Variants in TIAM1 observed in about 807,000 individuals in gnomAD.
The protein encoded by TIAM1 is rho guanine nucleotide exchange factor TIAM1.
Under a neutral mutation model 163.5 loss-of-function variants are expected in TIAM1, and 65 were observed. The observed-to-expected ratio is 0.40, with a 90% CI of 0.33 to 0.49. The LOEUF (loss-of-function observed/expected upper bound fraction) is 0.49, where lower values mean the gene tolerates loss of function less well. Ranked by LOEUF, TIAM1 falls within the 20% of genes least tolerant of loss-of-function variation. TIAM1 has a pLI of 0.77. For synonymous variants in TIAM1, 833 were observed against 810.1 expected (o/e 1.03, Z -0.48); for missense variants, 1,789 against 2,044.7 (o/e 0.87, Z 2.41).
intron 2 of TIAM1, among the ~76,000 whole-genome samples, chr21:31,439,170 C>T (rs537375550): frequency 5.9e-5 from 9 of 152,354 alleles, no homozygotes; most frequent in Non-Finnish European, 4.4e-5. Context: ...TGAACAGGAA[C>T]AGGGGGTAGC....
Position 31,141,086 on chromosome 21 carries a change from G to C in TIAM1, c.3774+32C>G. The C allele has an allele frequency of 6.6e-7, 1 of 1,521,622 alleles. No homozygotes were observed. Among genetic ancestry groups the C allele is most frequent in the Non-Finnish European group, 8.9e-7 (1 of 1,121,374 alleles). 94.3% of individuals were successfully genotyped at this position (1,521,622 alleles called of 1,614,324 possible). ...AAGCAAACTCAAACTCGGCTTTCCT[G>C]ACAGATGTCCTGAGAAGATGGGGAC... On this transcript the variant is annotated intron_variant, in intron 22 of 27. Transcript: ENST00000541036. This position sits in a 1 kb window ranked among gnomAD's most constrained non-coding sequence, Gnocchi z 4.7.
At chr21:31,242,860 C>CAAAAAAAAAAAAAAAAAA (rs11417948) in intron 6 of TIAM1, among the ~76,000 whole-genome samples, 13 of 94,996 alleles carry the variant, frequency 1.4e-4, no homozygotes, top group Non-Finnish European at 2.0e-4. Flanking sequence ...GACTCTGTCT[C>CAAAAAAAAAAAAAAAAAA]AAAAAAAAAA....
At chr21:31,170,215 A>AT (rs1373313057) in intron 15 of TIAM1, among the ~76,000 whole-genome samples, 7 of 152,238 alleles carry the variant, frequency 4.6e-5, no homozygotes, top group Non-Finnish European at 1.0e-4. Context: ...CTGGAAAACT[A>AT]TATTAGGCAA....
chr21:31,266,600 T>C lies in TIAM1; in HGVS notation c.373A>G (p.Ser125Gly). 3.7e-6 allele frequency: 6 copies of C among 1,614,220 alleles called. No homozygotes were observed. The highest frequency in any genetic ancestry group is 5.1e-6 in the Non-Finnish European group (6 of 1,180,038). The change falls in exon 4 of 28, where the codon AGC becomes GGC. Residue 125 changes from serine (S) to glycine (G), a missense_variant. Physicochemically the swap from Ser to Gly is moderately conservative, Grantham distance 56. This residue lies in a region of TIAM1 where 555 missense variants were observed against 564.9 expected (regional missense o/e 0.98). Coordinates refer to ENST00000541036, the MANE Select transcript of TIAM1 (RefSeq NM_001353694.2). ...SIVLTAASVQ[S>G]MPDTEESRLY... ...CTGCTCTCCTCAGTGTCTGGCATGCTCTGCACAGAGGCTGCTGTGAGGACG... is the reference window on the plus strand; with the variant it reads ...CTGCTCTCCTCAGTGTCTGGCATGCCCTGCACAGAGGCTGCTGTGAGGACG...
intron 7 of TIAM1, among the ~76,000 whole-genome samples, chr21:31,223,885 C>A (rs1232998692): frequency 6.6e-6 from 1 of 152,078 alleles, no homozygotes; most frequent in African/African-American, 2.4e-5. Flanking sequence ...ACTCTAGACT[C>A]CAGAAGTAAA....
intron 2 of TIAM1, among the ~76,000 whole-genome samples, chr21:31,423,090 CTTTTTTTTTTTTTT>C (rs11356685): frequency 1.8e-5 from 1 of 54,576 alleles, no homozygotes. Context: ...ACAGCACTAT[CTTTTTTTTTTTTTT>C]TTTTTTTTTT....
In TIAM1 at chr21:31,341,356, A is replaced by G. The variant is rs78068516; in HGVS notation, c.-368-1934T>C. On this transcript the variant is annotated intron_variant, in intron 1 of 27. Coordinates refer to ENST00000541036, the MANE Select transcript of TIAM1 (RefSeq NM_001353694.2). ...AAGAATTCAAAGCCAGGTCTTTCTG[A>G]CTCCAGCATCCTTTCTGATATACTT... Among the ~76,000 whole-genome samples, 616 of 152,258 alleles carry G rather than the reference A, an allele frequency of 4.0e-3. 4 individuals are homozygous for G. The highest frequency in any genetic ancestry group is 0.014 in the African/African-American group (589 of 41,550).
At chr21:31,164,113 G>A (rs954742151) in intron 16 of TIAM1, among the ~76,000 whole-genome samples, 34 of 152,280 alleles carry the variant, frequency 2.2e-4, no homozygotes, top group African/African-American at 6.5e-4. Context: ...GCAACAGGCC[G>A]GGTGCAGTGG....
chr21:31,513,038 A>G (rs1349424356), intron 1 of TIAM1, among the ~76,000 whole-genome samples: 1 of 152,234 alleles, frequency 6.6e-6, no homozygotes, highest in African/African-American at 2.4e-5. Context: ...ACAGGCTTCC[A>G]GAGGGCTAAC....
intron 1 of TIAM1, among the ~76,000 whole-genome samples, chr21:31,506,210 T>C (rs150174711): frequency 1.3e-5 from 2 of 151,188 alleles, no homozygotes; most frequent in Middle Eastern, 3.4e-3. Context: ...TTTCCATCTC[T>C]CTTCCCATCC....
At chr21:31,362,341 A>G (rs1187284034) in intron 2 of TIAM1, among the ~76,000 whole-genome samples, 1 of 152,008 alleles carries the variant, frequency 6.6e-6, no homozygotes, top group Non-Finnish European at 1.5e-5. Context: ...AGAAGGGAAG[A>G]GCTGACTTAT....
At chr21:31,350,563 G>T (rs1224624757) in intron 2 of TIAM1, among the ~76,000 whole-genome samples, 1 of 152,134 alleles carries the variant, frequency 6.6e-6, no homozygotes, top group African/African-American at 2.4e-5. Flanking sequence ...GTGATAGTGA[G>T]TCAGTTCTCG....
chr21:31,175,283 T>C (rs2084706461), intron 15 of TIAM1, among the ~76,000 whole-genome samples: 1 of 152,138 alleles, frequency 6.6e-6, no homozygotes, highest in African/African-American at 2.4e-5. Context: ...GGCTACTCAC[T>C]GAGGTAAACC....
At chr21:31,147,715 AAT>A (rs1018230401) in intron 19 of TIAM1, among the ~76,000 whole-genome samples, 95 of 144,192 alleles carry the variant, frequency 6.6e-4, no homozygotes, top group African/African-American at 2.4e-3. Context: ...TATTTTATAT[AAT>A]ATATAAAATA....
chr21:31,215,423 T>C (rs149657963), intron 9 of TIAM1, among the ~76,000 whole-genome samples: 1 of 151,960 alleles, frequency 6.6e-6, no homozygotes, highest in East Asian at 1.9e-4. Flanking sequence ...TAGCTGGGTG[T>C]GGTGGCAGGC....
At chr21:31,293,441 C>T (rs1485122299) in intron 2 of TIAM1, among the ~76,000 whole-genome samples, 1 of 152,210 alleles carries the variant, frequency 6.6e-6, no homozygotes, top group Non-Finnish European at 1.5e-5. Flanking sequence ...GACTAGGCAC[C>T]ACAACCTACC....
At chr21:31,333,327 G>C (rs1249453284) in intron 2 of TIAM1, among the ~76,000 whole-genome samples, 2 of 152,184 alleles carry the variant, frequency 1.3e-5, no homozygotes, top group African/African-American at 4.8e-5. Context: ...TTACTTTGAA[G>C]ATTAAATGTC....
At chr21:31,518,730 G>A (rs1602474046) in intron 1 of TIAM1, among the ~76,000 whole-genome samples, 1 of 152,148 alleles carries the variant, frequency 6.6e-6, no homozygotes, top group Non-Finnish European at 1.5e-5. Context: ...CTGGGAAGGT[G>A]GGGTGGCAGC....
At chr21:31,149,041 G>A (rs1432136122) in intron 19 of TIAM1, among the ~76,000 whole-genome samples, 1 of 151,862 alleles carries the variant, frequency 6.6e-6, no homozygotes, top group African/African-American at 2.4e-5. Context: ...AGGTTTGGGA[G>A]CAAATCTGGA....
Sources: allele counts gnomAD v4.1 joint callset (sites outside exome capture counted in the v4.1 genomes callset), GRCh38; gene constraint gnomAD v4.1.1; regional missense constraint gnomAD v4.1.1; non-coding constraint Gnocchi (gnomAD v3.1); transcripts MANE v1.5; gene names NCBI Gene and HGNC (gene_info 2026-07-23, HGNC 2026-07-21).